PRUNE2: variants seen among roughly 807,000 people sequenced by gnomAD.
PRUNE2 encodes prune homolog 2 with BCH domain.
In PRUNE2, 164 loss-of-function variants were observed where a neutral mutation model predicts 252.0. That is an observed-to-expected ratio of 0.65 (90% CI 0.57 to 0.74). The LOEUF (loss-of-function observed/expected upper bound fraction) is 0.74, where lower values mean the gene tolerates loss of function less well. PRUNE2 is among the 30% of genes least tolerant of loss of function. The probability of loss-of-function intolerance (pLI) is 0.00; values close to 1 mark genes in which losing one functional copy is unlikely to be tolerated. For synonymous variants in PRUNE2, 1,292 were observed against 1,350.2 expected, an observed-to-expected ratio of 0.96 and a Z score of 0.94; for missense variants, 3,495 against 3,711.0, an observed-to-expected ratio of 0.94 and a Z score of 1.51.
chr9:76,737,646 C>A (rs1349524201), intron 6 of PRUNE2: 1 of 152,206 alleles, frequency 6.6e-6, no homozygotes, highest in African/African-American at 2.4e-5. Context: ...TCTTTGCATA[C>A]CCTTTTGTCA....
chr9:76,903,160 A>T (rs1371613128), intron 1 of PRUNE2, among the ~76,000 whole-genome samples: 2 of 152,244 alleles, frequency 1.3e-5, no homozygotes, highest in Non-Finnish European at 2.9e-5. Context: ...AGAAAAAAAG[A>T]CACACAATTT....
chr9:76,840,425 T>C (rs1329612745), intron 4 of PRUNE2, among the ~76,000 whole-genome samples: 7 of 152,300 alleles, frequency 4.6e-5, no homozygotes, highest in Middle Eastern at 6.8e-3. Flanking sequence ...CATTCTAGGA[T>C]ACAGCCACGG....
At chr9:76,643,719 A>T (rs1464601698) in intron 12 of PRUNE2, among the ~76,000 whole-genome samples, 1 of 152,244 alleles carries the variant, frequency 6.6e-6, no homozygotes, top group Non-Finnish European at 1.5e-5. Flanking sequence ...TACAGTGGTC[A>T]GGTTCCCTGG....
chr9:76,895,274 C>T (rs1198820940), intron 1 of PRUNE2, among the ~76,000 whole-genome samples: 1 of 152,144 alleles, frequency 6.6e-6, no homozygotes, highest in Non-Finnish European at 1.5e-5. Context: ...GAGTCAAGAA[C>T]CAGATTTAGT....
chr9:76,764,225 A>AAAAC (rs57787958), intron 6 of PRUNE2, among the ~76,000 whole-genome samples: 8 of 151,596 alleles, frequency 5.3e-5, no homozygotes, highest in African/African-American at 9.7e-5. Context: ...ATGGAGGCAG[A>AAAAC]AAACAAACAA....
At chr9:76,735,916 A>G (rs1024902114) in intron 6 of PRUNE2, among the ~76,000 whole-genome samples, 3 of 152,198 alleles carry the variant, frequency 2.0e-5, no homozygotes, top group African/African-American at 7.2e-5. Context: ...CAAGTTTTCT[A>G]AGCTTTATTC....
chr9:76,744,398 G>A (rs2049922594), intron 6 of PRUNE2, among the ~76,000 whole-genome samples: 1 of 152,098 alleles, frequency 6.6e-6, no homozygotes, highest in Non-Finnish European at 1.5e-5. Flanking sequence ...GAGAGCAAAG[G>A]GTCCCAGGGA....
At chr9:76,824,273 G>C (rs369859572) in intron 5 of PRUNE2, among the ~76,000 whole-genome samples, 1 of 152,272 alleles carries the variant, frequency 6.6e-6, no homozygotes, top group South Asian at 2.1e-4. Flanking sequence ...AGCAGACAAA[G>C]GCAGGGAATA....
At chr9:76,766,989 C>G (rs368705478) in intron 6 of PRUNE2, among the ~76,000 whole-genome samples, 18 of 152,324 alleles carry the variant, frequency 1.2e-4, no homozygotes, top group Admixed American at 5.2e-4. Context: ...CACCTTCCCC[C>G]CAAGGCGAAG....
chr9:76,903,578 CTATTTTATTT>C (rs1037003618), intron 1 of PRUNE2, among the ~76,000 whole-genome samples: 24 of 152,132 alleles, frequency 1.6e-4, no homozygotes, highest in Non-Finnish European at 3.2e-4. Flanking sequence ...AAAAATCTTA[CTATTTTATTT>C]TATTTTATTT....
chr9:76,845,965 TGTTC>T (rs1480562804), intron 4 of PRUNE2, among the ~76,000 whole-genome samples: 1 of 152,196 alleles, frequency 6.6e-6, no homozygotes, highest in Non-Finnish European at 1.5e-5. Context: ...GATGATGGTG[TGTTC>T]AGGACCCCAG....
intron 9 of PRUNE2, among the ~76,000 whole-genome samples, chr9:76,670,091 C>A (rs570020974): frequency 2.0e-5 from 3 of 152,280 alleles, no homozygotes; most frequent in African/African-American, 7.2e-5. Context: ...CAGCTCCCAG[C>A]GTGAGCGACG....
intron 6 of PRUNE2, among the ~76,000 whole-genome samples, chr9:76,801,889 C>T (rs373467162): frequency 1.3e-5 from 2 of 152,020 alleles, no homozygotes; most frequent in African/African-American, 4.8e-5. Flanking sequence ...GACACAAAAG[C>T]GTTATGTCAT....
chr9:76,833,315 A>C (rs2058765187), intron 4 of PRUNE2, among the ~76,000 whole-genome samples: 3 of 152,222 alleles, frequency 2.0e-5, no homozygotes, highest in Admixed American at 2.0e-4. Flanking sequence ...GTTATAATTG[A>C]TCATATTAAT....
At chr9:76,796,027 C>T (rs1409718258) in intron 6 of PRUNE2, among the ~76,000 whole-genome samples, 1 of 152,240 alleles carries the variant, frequency 6.6e-6, no homozygotes, top group South Asian at 2.1e-4. Flanking sequence ...ACTCACTTCA[C>T]AGGTGCCTCA....
At chr9:76,774,461 T>A (rs143879585) in intron 6 of PRUNE2, among the ~76,000 whole-genome samples, 10,223 of 74,312 alleles carry the variant, frequency 0.14, 688 homozygotes, top group African/African-American at 0.31. Flanking sequence ...TTTTTTTTTT[T>A]TTTTTTTTTT....
chr9:76,775,473 T>G (rs375422752), intron 6 of PRUNE2, among the ~76,000 whole-genome samples: 56 of 72,690 alleles, frequency 7.7e-4, no homozygotes, highest in Middle Eastern at 6.7e-3. Context: ...ATTTTTGTGG[T>G]TTTTTTTTGT....
intron 6 of PRUNE2, among the ~76,000 whole-genome samples, chr9:76,728,883 C>T (rs1337467587): frequency 1.3e-5 from 2 of 152,172 alleles, no homozygotes; most frequent in African/African-American, 4.8e-5. Context: ...AGCTTAGGAT[C>T]TCTCACACAA....
At chr9:76,661,083 G>C (rs1159836732) in intron 9 of PRUNE2, among the ~76,000 whole-genome samples, 1 of 152,106 alleles carries the variant, frequency 6.6e-6, no homozygotes, top group Non-Finnish European at 1.5e-5. Flanking sequence ...AAACCACTGA[G>C]ATTTGGGGTT....
Sources: gnomAD v4.1 joint callset for allele counts (sites outside exome capture counted in the v4.1 genomes callset) on GRCh38, gnomAD v4.1.1 for gene constraint, MANE v1.5 for transcripts, NCBI Gene and HGNC (gene_info 2026-07-23, HGNC 2026-07-21) for gene names.